The following CNTN6 variants were observed in gnomAD, a reference collection of about 807,000 sequenced individuals.
The protein encoded by CNTN6 is contactin 6.
CNTN6 carries 137 observed loss-of-function variants against 122.8 expected under a neutral mutation model. That is an observed-to-expected ratio of 1.12 (90% CI 0.97 to 1.29). The LOEUF is 1.29. Ranked by LOEUF, CNTN6 falls within the 50% of genes most tolerant of loss-of-function variation. CNTN6 has a pLI of 0.00. For missense variants in CNTN6, 1,634 were observed against 1,223.4 expected, an observed-to-expected ratio of 1.34 and a Z score of -5.01; for synonymous variants, 570 against 426.0, an observed-to-expected ratio of 1.34 and a Z score of -4.16.
intron 1 of CNTN6, among the ~76,000 whole-genome samples, chr3:1,125,926 A>C (rs2092143166): frequency 6.6e-6 from 1 of 151,866 alleles, no homozygotes; most frequent in Non-Finnish European, 1.5e-5. Flanking sequence ...TGTAGTTTTC[A>C]GTTTGCTTTT....
Position 1,321,767 on chromosome 3 carries a change from C to T in CNTN6, c.879C>T (p.Gly293=), listed in dbSNP as rs1421264925. ...CGAACTTCCAACAAGAAGATGAAGGCTTTTATGAGTGCATTGCAAGCAACC... is the reference window on the plus strand; with the variant it reads ...CGAACTTCCAACAAGAAGATGAAGGTTTTTATGAGTGCATTGCAAGCAACC... ...EIPNFQQEDE[G]FYECIASNLR... The change falls in exon 8 of 23, where the codon GGC becomes GGT. Residue 293 remains glycine, a synonymous_variant. Coordinates refer to ENST00000446702, the MANE Select transcript of CNTN6 (RefSeq NM_001289080.2). 9.9e-6 allele frequency: 16 copies of T among 1,611,778 alleles called. No individual in the cohort carries two copies. Among genetic ancestry groups the T allele is most frequent in the Non-Finnish European group, 1.4e-5 (16 of 1,178,596 alleles).
At chr3:1,201,236 G>T (rs2093866450) in intron 2 of CNTN6, among the ~76,000 whole-genome samples, 1 of 152,008 alleles carries the variant, frequency 6.6e-6, no homozygotes, top group African/African-American at 2.4e-5. Flanking sequence ...GCCTCCCAAA[G>T]TGCTGGGATT....
At chr3:1,341,555 C>A (rs1431241301) in intron 11 of CNTN6, among the ~76,000 whole-genome samples, 1 of 152,154 alleles carries the variant, frequency 6.6e-6, no homozygotes, top group African/African-American at 2.4e-5. Flanking sequence ...AAAGACACAT[C>A]ATGGCACCAA....
intron 2 of CNTN6, among the ~76,000 whole-genome samples, chr3:1,162,014 T>C (rs58770621): frequency 0.17 from 25,812 of 152,004 alleles, 2,621 homozygotes; most frequent in African/African-American, 0.27. Flanking sequence ...TGAAGATACC[T>C]AATAGTTTAC....
intron 2 of CNTN6, among the ~76,000 whole-genome samples, chr3:1,192,666 G>A (rs979453607): frequency 6.6e-6 from 1 of 151,928 alleles, no homozygotes; most frequent in East Asian, 1.9e-4. Flanking sequence ...GGCCTCACAT[G>A]TGCACCCCAA....
At chr3:1,258,718 C>G (rs1271739151) in intron 4 of CNTN6, among the ~76,000 whole-genome samples, 1 of 152,076 alleles carries the variant, frequency 6.6e-6, no homozygotes, top group Non-Finnish European at 1.5e-5. Context: ...AGACCTATAT[C>G]TCCAGTTCAT....
chr3:1,400,800 G>A (rs752227749), intron 20 of CNTN6, among the ~76,000 whole-genome samples: 17 of 152,056 alleles, frequency 1.1e-4, no homozygotes, highest in Non-Finnish European at 1.6e-4. Flanking sequence ...ATGACAAAGA[G>A]GTACTCTCTG....
chr3:1,287,042 C>G (rs1694464025), intron 5 of CNTN6, among the ~76,000 whole-genome samples: 1 of 152,052 alleles, frequency 6.6e-6, no homozygotes, highest in South Asian at 2.1e-4. Flanking sequence ...ATATATGCAC[C>G]CAATACAGGA....
At chr3:1,353,427 T>G (rs201194592) in intron 12 of CNTN6, among the ~76,000 whole-genome samples, 1 of 151,724 alleles carries the variant, frequency 6.6e-6, no homozygotes, top group African/African-American at 2.4e-5. Context: ...GTCTCAAGCG[T>G]ATTACATTAT....
At chr3:1,195,484 A>G (rs892606144) in intron 2 of CNTN6, among the ~76,000 whole-genome samples, 98 of 152,302 alleles carry the variant, frequency 6.4e-4, no homozygotes, top group East Asian at 3.9e-4. Flanking sequence ...AGTTTTGATG[A>G]AGACTTGTAA....
At position 1,213,437 on chromosome 3, in the gene CNTN6, C is replaced by T. The variant is rs750161565; in HGVS notation, c.56-7250C>T. Reference sequence around the variant, plus strand: ...ATCAAAAATTAAGTTACCATCTCAGCGTATTTATTTCCCATCTCTTTTCTT... The same window carrying T: ...ATCAAAAATTAAGTTACCATCTCAGTGTATTTATTTCCCATCTCTTTTCTT... On this transcript the variant is annotated intron_variant, in intron 2 of 22. Coordinates refer to ENST00000446702, the MANE Select transcript of CNTN6 (RefSeq NM_001289080.2). Among the ~76,000 whole-genome samples the T allele has an allele frequency of 1.1e-4, 17 of 151,516 alleles. No individual in the cohort carries two copies. In the East Asian group the frequency reaches 2.4e-3, roughly 21 times the overall value.
At chr3:1,299,063 C>G (rs900691766) in intron 7 of CNTN6, among the ~76,000 whole-genome samples, 1 of 152,092 alleles carries the variant, frequency 6.6e-6, no homozygotes, top group Non-Finnish European at 1.5e-5. Flanking sequence ...TGGAGTTTTG[C>G]ATATCTTTGA....
intron 7 of CNTN6, among the ~76,000 whole-genome samples, chr3:1,309,362 G>A (rs534987152): frequency 2.7e-4 from 41 of 152,170 alleles, no homozygotes; most frequent in South Asian, 1.0e-3. Flanking sequence ...ACTTCCAATC[G>A]TTCCAGTATC....
chr3:1,156,149 C>A (rs2092956761), intron 2 of CNTN6, among the ~76,000 whole-genome samples: 1 of 152,150 alleles, frequency 6.6e-6, no homozygotes, highest in South Asian at 2.1e-4. Context: ...TTTAAAAATC[C>A]CCAAGTCTCT....
chr3:1,216,736 T>A (rs2094135812), intron 2 of CNTN6, among the ~76,000 whole-genome samples: 1 of 152,226 alleles, frequency 6.6e-6, no homozygotes, highest in South Asian at 2.1e-4. Context: ...TGAGGAAAGG[T>A]GCCTAAATTA....
chr3:1,245,500 C>T (rs2094570621), intron 4 of CNTN6, among the ~76,000 whole-genome samples: 1 of 147,846 alleles, frequency 6.8e-6, no homozygotes, highest in East Asian at 2.0e-4. Context: ...GTACACAAAG[C>T]ATAAGAATGA....
intron 3 of CNTN6, among the ~76,000 whole-genome samples, chr3:1,224,025 A>C (rs1400884065): frequency 6.6e-6 from 1 of 152,216 alleles, no homozygotes; most frequent in Non-Finnish European, 1.5e-5. Flanking sequence ...TAGGACTAGG[A>C]TTCTTTCCAC....
intron 2 of CNTN6, among the ~76,000 whole-genome samples, chr3:1,198,540 T>C (rs908402930): frequency 2.0e-5 from 3 of 151,932 alleles, no homozygotes; most frequent in Non-Finnish European, 2.9e-5. Flanking sequence ...CTGACCAACA[T>C]GGTGAAACCC....
chr3:1,188,488 G>A (rs1177631797), intron 2 of CNTN6, among the ~76,000 whole-genome samples: 1 of 152,174 alleles, frequency 6.6e-6, no homozygotes, highest in Non-Finnish European at 1.5e-5. Flanking sequence ...AAAAAAATTA[G>A]TGATACTGCA....
Sources: gnomAD v4.1 joint callset for allele counts (sites outside exome capture counted in the v4.1 genomes callset) on GRCh38, gnomAD v4.1.1 for gene constraint, MANE v1.5 for transcripts, NCBI Gene and HGNC (gene_info 2026-07-23, HGNC 2026-07-21) for gene names.